Variants in PPIP5K2 observed in about 807,000 individuals in gnomAD.
PPIP5K2 encodes inositol hexakisphosphate and diphosphoinositol-pentakisphosphate kinase 2.
A neutral mutation model predicts 154.6 loss-of-function variants in PPIP5K2; 105 were observed. The ratio of observed to expected loss-of-function variants is 0.68; its 90% CI spans 0.58 to 0.80. The LOEUF (loss-of-function observed/expected upper bound fraction) is 0.80. PPIP5K2 is among the 30% of genes least tolerant of loss of function. The pLI is 0.00. For synonymous variants in PPIP5K2, 480 were observed against 490.3 expected, an observed-to-expected ratio of 0.98 and a Z score of 0.28; for missense variants, 992 against 1,504.6, an observed-to-expected ratio of 0.66 and a Z score of 5.64.
intron 30 of PPIP5K2, among the ~76,000 whole-genome samples, chr5:103,200,557 A>G (rs1400882110): frequency 2.6e-5 from 4 of 151,934 alleles, no homozygotes; most frequent in African/African-American, 9.7e-5. Flanking sequence ...TTACCCATAC[A>G]TCTATTCATC....
In PPIP5K2 at chr5:103,210,321, G is replaced by A. The variant is rs1803735512; in HGVS notation, c.*8687G>A. On this transcript the variant is annotated 3_prime_UTR_variant, in exon 31 of 31. Coordinates refer to ENST00000358359, the MANE Select transcript of PPIP5K2 (RefSeq NM_001276277.3). Reference sequence around the variant, plus strand: ...TATGCTTTCCACAGGCTGAGCAAGAGGATAGATCATTGAATAGATGCTTTA... The same window carrying A: ...TATGCTTTCCACAGGCTGAGCAAGAAGATAGATCATTGAATAGATGCTTTA... 6.6e-6 allele frequency: 1 copy of A among 152,128 alleles called. No individual in the cohort carries two copies. The highest frequency in any genetic ancestry group is 6.6e-5 in the Admixed American group (1 of 15,262). The allele number at this position is 152,128 out of a possible 1,614,324, so 9.4% of individuals were successfully genotyped here.
At chr5:103,130,468 T>C (rs187316015) in intron 2 of PPIP5K2, among the ~76,000 whole-genome samples, 7 of 152,316 alleles carry the variant, frequency 4.6e-5, no homozygotes, top group Non-Finnish European at 8.8e-5. Flanking sequence ...AAAAACCTGT[T>C]CTATTTTGTA....
rs782359387 is a variant in PPIP5K2, at chr5:103,203,786, C to A, written c.*2152C>A. The A allele has an allele frequency of 6.6e-6, 1 of 152,132 alleles. No individual in the cohort carries two copies. Among genetic ancestry groups the A allele is most frequent in the Non-Finnish European group, 1.5e-5 (1 of 68,032 alleles). The allele number at this position is 152,132 out of a possible 1,614,324, so 9.4% of individuals were successfully genotyped here. A position where few individuals can be genotyped will look rare whatever the true frequency, so the allele number is the denominator to read the frequency against. ...ATAATAGGCTCAGACCTAACTTAGC[C>A]CTTGAAGTCTAGTGCTGGCAGATTC... On this transcript the variant is annotated 3_prime_UTR_variant, in exon 31 of 31. Transcript: ENST00000358359.
At chr5:103,132,654 A>G (rs375515465) in intron 2 of PPIP5K2, among the ~76,000 whole-genome samples, 2 of 152,234 alleles carry the variant, frequency 1.3e-5, no homozygotes, top group East Asian at 3.8e-4. Flanking sequence ...ATGTTGTATG[A>G]AATATATAAA....
intron 1 of PPIP5K2, among the ~76,000 whole-genome samples, chr5:103,122,943 T>A (rs1789021714): frequency 1.3e-5 from 2 of 152,108 alleles, no homozygotes; most frequent in Non-Finnish European, 2.9e-5. Flanking sequence ...GAGATGATTA[T>A]CCCAGGCAGT....
At chr5:103,132,275 C>T (rs1357035933) in intron 2 of PPIP5K2, among the ~76,000 whole-genome samples, 3 of 152,142 alleles carry the variant, frequency 2.0e-5, no homozygotes, top group Non-Finnish European at 4.4e-5. Flanking sequence ...GGCGTGGTAG[C>T]TCACGCCTGT....
chr5:103,120,609 C>T, intron 1 of PPIP5K2, 121 bp downstream of exon 1: 1 of 426,414 alleles, frequency 2.3e-6, no homozygotes, highest in South Asian at 1.7e-5. Context: ...CATGCTCCAC[C>T]GAGGGGCTTG....
chr5:103,153,198 G>C (rs1463356516), intron 10 of PPIP5K2, among the ~76,000 whole-genome samples: 2 of 151,552 alleles, frequency 1.3e-5, no homozygotes, highest in South Asian at 4.1e-4. Context: ...AATATCCTGA[G>C]ATGTACTGAT....
intron 1 of PPIP5K2, among the ~76,000 whole-genome samples, chr5:103,122,233 G>GA (rs1788891793): frequency 6.6e-6 from 1 of 152,124 alleles, no homozygotes; most frequent in Non-Finnish European, 1.5e-5. Flanking sequence ...AGTTGGGGAG[G>GA]AAAAAACCCA....
intron 1 of PPIP5K2, chr5:103,120,868 T>G: frequency 5.7e-6 from 1 of 176,436 alleles, no homozygotes; most frequent in East Asian, 1.5e-4. Context: ...TAAAAAATTT[T>G]CTGCCTTAGT....
At chr5:103,197,450 T>A (rs1166329486) in intron 30 of PPIP5K2, among the ~76,000 whole-genome samples, 1 of 152,034 alleles carries the variant, frequency 6.6e-6, no homozygotes, top group Non-Finnish European at 1.5e-5. Flanking sequence ...TACTGGTAAT[T>A]TGTGTTCTAC....
chr5:103,182,004 T>C (rs1799621098), intron 24 of PPIP5K2, among the ~76,000 whole-genome samples: 1 of 152,210 alleles, frequency 6.6e-6, no homozygotes, highest in Admixed American at 6.5e-5. Context: ...TTGGAATTAT[T>C]TGTTCTGTTA....
chr5:103,171,993 C>T (rs190407089), intron 19 of PPIP5K2, among the ~76,000 whole-genome samples: 116 of 151,642 alleles, frequency 7.6e-4, no homozygotes, highest in African/African-American at 2.6e-3. Flanking sequence ...AAATTTGTTT[C>T]ACTCTCTTTA....
chr5:103,173,844 G>C lies in PPIP5K2; in HGVS notation c.2415-14G>C. 1 of 1,460,530 alleles carries C rather than the reference G, an allele frequency of 6.8e-7. No individual in the cohort carries two copies. The highest frequency in any genetic ancestry group is 1.7e-5 in the Admixed American group (1 of 58,024). The allele number at this position is 1,460,530 out of a possible 1,614,324, so 90.5% of individuals were successfully genotyped here. A position where few individuals can be genotyped will look rare whatever the true frequency, so the allele number is the denominator to read the frequency against. ...ATATGGTTATGTTTGAACACTGTCTGCTTCTAATTTTAGGTATTCTAGAGG... is the reference window on the plus strand; with the variant it reads ...ATATGGTTATGTTTGAACACTGTCTCCTTCTAATTTTAGGTATTCTAGAGG... On this transcript the variant is annotated splice_polypyrimidine_tract_variant and intron_variant, in intron 20 of 30. Transcript: ENST00000358359.
At chr5:103,190,103 G>A (rs1291039795) in intron 28 of PPIP5K2, among the ~76,000 whole-genome samples, 1 of 151,928 alleles carries the variant, frequency 6.6e-6, no homozygotes, top group Non-Finnish European at 1.5e-5. Flanking sequence ...CATAAACTGT[G>A]TATTTAAGTG....
chr5:103,167,755 A>C (rs1195158263), intron 18 of PPIP5K2, among the ~76,000 whole-genome samples: 1 of 151,900 alleles, frequency 6.6e-6, no homozygotes, highest in African/African-American at 2.4e-5. Context: ...CTATTCACTT[A>C]GTTATGTGAG....
At chr5:103,165,986 G>A (rs1217884690) in intron 17 of PPIP5K2, among the ~76,000 whole-genome samples, 3 of 152,016 alleles carry the variant, frequency 2.0e-5, no homozygotes, top group African/African-American at 7.2e-5. Flanking sequence ...AGCTTTCAAT[G>A]GAAATTTTAA....
At chr5:103,142,391 G>A (rs1363224470) in intron 5 of PPIP5K2, among the ~76,000 whole-genome samples, 7 of 151,922 alleles carry the variant, frequency 4.6e-5, no homozygotes, top group Admixed American at 1.3e-4. Context: ...GCACCGCCCC[G>A]CAGCCCCAGT....
chr5:103,144,817 A>C (rs1793463435), intron 5 of PPIP5K2, among the ~76,000 whole-genome samples: 1 of 152,128 alleles, frequency 6.6e-6, no homozygotes, highest in Non-Finnish European at 1.5e-5. Context: ...TACTAAAAGA[A>C]AACATTGTAG....
Sources: allele counts gnomAD v4.1 joint callset (sites outside exome capture counted in the v4.1 genomes callset), GRCh38; gene constraint gnomAD v4.1.1; transcripts MANE v1.5; gene names NCBI Gene and HGNC (gene_info 2026-07-23, HGNC 2026-07-21).